Variants in ANKRD11 observed in about 807,000 individuals in gnomAD.
ANKRD11 encodes the protein ankyrin repeat domain-containing protein 11.
In ANKRD11, 17 loss-of-function variants were observed where a neutral mutation model predicts 195.7. The ratio of observed to expected loss-of-function variants is 0.09; its 90% CI spans 0.06 to 0.13. The LOEUF (loss-of-function observed/expected upper bound fraction) is 0.13. Among genes scored for constraint, ANKRD11 ranks in the 10% least tolerant of loss-of-function variants. The pLI is 1.00. For synonymous variants in ANKRD11, 1,953 were observed against 1,528.1 expected (o/e 1.28, Z -6.49); for missense variants, 3,735 against 3,566.1 (o/e 1.05, Z -1.21).
In ANKRD11 at chr16:89,281,044, G is replaced by A. The variant is rs368237393; in HGVS notation, c.5498C>T (p.Ala1833Val). The A allele has an allele frequency of 1.0e-5, 16 of 1,602,414 alleles. No individual in the cohort carries two copies. Among genetic ancestry groups the A allele is most frequent in the Admixed American group, 1.7e-5 (1 of 59,182 alleles). ...SPMPPSMEDR[A>V]PLPPVPAEKF... The stretch of plus-strand genomic sequence containing the variant: ...CTCCGCGGGAACCGGGGGCAGGGGC[G>A]CCCTGTCTTCCATCGAGGGTGGCAT... The change falls in exon 9 of 13, where the codon GCG (alanine) becomes GTG (valine). Residue 1833 changes from alanine to valine, a missense_variant. Transcript: ENST00000301030. The surrounding 1 kb of genome is among the most constrained non-coding windows in gnomAD (Gnocchi z 5.5).
intron 4 of ANKRD11, among the ~76,000 whole-genome samples, chr16:89,294,780 C>T (rs1422590223): frequency 6.6e-6 from 1 of 152,210 alleles, no homozygotes; most frequent in Non-Finnish European, 1.5e-5. Flanking sequence ...TGCCTGCCTG[C>T]CCCTCCTACC....
chr16:89,310,677 A>G (rs896477351), intron 3 of ANKRD11, among the ~76,000 whole-genome samples: 1 of 152,156 alleles, frequency 6.6e-6, no homozygotes, highest in Non-Finnish European at 1.5e-5. Flanking sequence ...GGTCAAATTT[A>G]CCCCAAAATA....
chr16:89,268,510 C>T lies in ANKRD11; in HGVS notation c.7960G>A (p.Val2654Ile), dbSNP rs1466079129. ...GGCAACAATACAAAGTCGTCGTTGA[C>T]GTCGACCATGGGCACGTAGAAGGAG... ...VPSFYVPMVD[V>I]NDDFVLLPA The change falls in exon 13 of 13, where the codon GTC (valine) becomes ATC (isoleucine). Residue 2654 changes from valine (V) to isoleucine (I), a missense_variant. Val to Ile is a conservative substitution (Grantham distance 29). Transcript: ENST00000301030. 3 of 1,420,480 alleles carry T rather than the reference C, an allele frequency of 2.1e-6. No homozygotes were observed. Among genetic ancestry groups the T allele is most frequent in the Admixed American group, 2.0e-5 (1 of 50,198 alleles). 88.0% of individuals were successfully genotyped at this position (1,420,480 alleles called of 1,614,324 possible).
At chr16:89,443,662 C>G (rs1342368056) in intron 1 of ANKRD11, among the ~76,000 whole-genome samples, 2 of 152,192 alleles carry the variant, frequency 1.3e-5, no homozygotes, top group Non-Finnish European at 2.9e-5. Context: ...ACCTGTTAAG[C>G]CTTTTCAACC....
At chr16:89,278,996 G>A (rs762463357) in intron 9 of ANKRD11, 76 bp downstream of exon 9, 11 of 1,581,048 alleles carry the variant, frequency 7.0e-6, no homozygotes, top group Admixed American at 5.4e-5. Context: ...AAGACGGGCT[G>A]GAGGAAGCCG....
intron 2 of ANKRD11, 68 bp from the exon 3 acceptor site, chr16:89,317,146 G>T: frequency 2.0e-6 from 2 of 1,025,028 alleles, no homozygotes; most frequent in South Asian, 1.4e-5. Flanking sequence ...CTCTCACACC[G>T]CACTCAACAG....
Position 89,280,049 on chromosome 16 carries a change from C to T in ANKRD11, c.6493G>A (p.Glu2165Lys), listed in dbSNP as rs559089022. ...PVEESLAPPEEMPPGAPGVIN... is the reference protein window; with the variant it reads ...PVEESLAPPEKMPPGAPGVIN... The stretch of plus-strand genomic sequence containing the variant: ...ACCCCGGGGGCCCCTGGAGGCATCT[C>T]TTCTGGAGGAGCAAGACTTTCTTCC... The change falls in exon 9 of 13, where the codon GAG becomes AAG. Residue 2165 changes from glutamate (E) to lysine (K), a missense_variant. Glu to Lys is a moderately conservative substitution (Grantham distance 56). Coordinates refer to ENST00000301030, the MANE Select transcript of ANKRD11 (RefSeq NM_013275.6). 3.7e-6 allele frequency: 6 copies of T among 1,612,966 alleles called. No homozygotes were observed. The East Asian group carries it at 6.7e-5, about 18-fold the overall frequency.
In ANKRD11 at chr16:89,282,627, A is replaced by G; in HGVS notation, c.3915T>C (p.Ser1305=). 6.2e-7 allele frequency: 1 copy of G among 1,614,026 alleles called. No individual in the cohort carries two copies. The highest frequency in any genetic ancestry group is 8.5e-7 in the Non-Finnish European group (1 of 1,179,994). ...CCTGCCCTCGGTCCGTGAAGCTGTC[A>G]GAGGAGACCTCGCTGATTTTATCGT... ...DSNDKISEVS[S]DSFTDRGQEP... The change falls in exon 9 of 13, where the codon TCT becomes TCC. Residue 1305 remains serine, a synonymous_variant. Coordinates refer to ENST00000301030, the MANE Select transcript of ANKRD11 (RefSeq NM_013275.6).
intron 2 of ANKRD11, among the ~76,000 whole-genome samples, chr16:89,384,844 C>CATGTG (rs367578521): frequency 0.013 from 1,784 of 142,246 alleles, 41 homozygotes; most frequent in African/African-American, 0.039. Context: ...TGTGTAAGAA[C>CATGTG]ATGTGTGTGG....
chr16:89,386,355 C>A (rs1037555894), intron 2 of ANKRD11, among the ~76,000 whole-genome samples: 1 of 152,126 alleles, frequency 6.6e-6, no homozygotes, highest in African/African-American at 2.4e-5. Context: ...CAATTCCCAA[C>A]GTTACTCGTG....
chr16:89,442,121 C>G (rs948820883), intron 1 of ANKRD11, among the ~76,000 whole-genome samples: 3 of 152,198 alleles, frequency 2.0e-5, no homozygotes, highest in African/African-American at 7.2e-5. Flanking sequence ...AGTTGGCACA[C>G]CGATGCAGTG....
chr16:89,273,009 G>A (rs184185017), intron 11 of ANKRD11: 147 of 150,194 alleles, frequency 9.8e-4, no homozygotes, highest in African/African-American at 3.5e-3. Context: ...GGGTTGTGGG[G>A]GGCTGGCAGG....
intron 1 of ANKRD11, among the ~76,000 whole-genome samples, chr16:89,440,305 C>G (rs892487147): frequency 1.3e-5 from 2 of 152,162 alleles, no homozygotes; most frequent in Non-Finnish European, 2.9e-5. Flanking sequence ...CTAGGAAAAG[C>G]AGACCACCAG....
intron 1 of ANKRD11, among the ~76,000 whole-genome samples, chr16:89,454,360 G>C (rs1314052409): frequency 6.6e-6 from 1 of 152,146 alleles, no homozygotes; most frequent in Non-Finnish European, 1.5e-5. Context: ...GGGCACAGAA[G>C]ACTTCTACTG....
chr16:89,436,545 T>A (rs973399949), intron 1 of ANKRD11, among the ~76,000 whole-genome samples: 2 of 152,136 alleles, frequency 1.3e-5, no homozygotes, highest in Non-Finnish European at 2.9e-5. Flanking sequence ...CCTTGGGTGT[T>A]GGGACATAGC....
chr16:89,346,119 G>A (rs1307515977), intron 2 of ANKRD11, among the ~76,000 whole-genome samples: 1 of 151,642 alleles, frequency 6.6e-6, no homozygotes. Flanking sequence ...CGTGGTGCCG[G>A]GCGCTTGTAA....
intron 12 of ANKRD11, chr16:89,270,503 T>C (rs919315692): frequency 2.3e-4 from 101 of 430,538 alleles, no homozygotes; most frequent in African/African-American, 8.1e-5. Context: ...GGGTGAATGC[T>C]GGGACCTTAG....
intron 2 of ANKRD11, among the ~76,000 whole-genome samples, chr16:89,401,310 C>A (rs2041676933): frequency 6.6e-6 from 1 of 152,124 alleles, no homozygotes; most frequent in Non-Finnish European, 1.5e-5. Flanking sequence ...AACTCCTGAC[C>A]TCGTGATCCA....
intron 1 of ANKRD11, among the ~76,000 whole-genome samples, chr16:89,432,015 AC>A (rs1358018844): frequency 3.3e-5 from 5 of 151,986 alleles, no homozygotes; most frequent in African/African-American, 1.2e-4. Context: ...CCCTACTGCA[AC>A]CGCTCTGACT....
Sources: gnomAD v4.1 joint callset for allele counts (sites outside exome capture counted in the v4.1 genomes callset) on GRCh38, gnomAD v4.1.1 for gene constraint, Gnocchi (gnomAD v3.1) non-coding constraint, MANE v1.5 for transcripts, NCBI Gene and HGNC (gene_info 2026-07-23, HGNC 2026-07-21) for gene names.